The following DOP1A variants were observed in gnomAD, a reference collection of about 807,000 sequenced individuals.
The protein encoded by DOP1A is DOP1 leucine zipper like protein A, also known as protein DOP1A.
A neutral mutation model predicts 267.6 loss-of-function variants in DOP1A; 90 were observed. That is an observed-to-expected ratio of 0.34 (90% confidence interval 0.28 to 0.40). DOP1A has a LOEUF of 0.40. Ranked by LOEUF, DOP1A falls within the 10% of genes least tolerant of loss-of-function variation. The pLI, the probability that DOP1A is intolerant of heterozygous loss-of-function variation, is 1.00. For synonymous variants in DOP1A, 932 were observed against 999.1 expected (o/e 0.93, Z 1.27); for missense variants, 2,437 against 2,900.4 (o/e 0.84, Z 3.67).
At chr6:83,127,466 G>C (rs1333259366) in intron 15 of DOP1A, among the ~76,000 whole-genome samples, 1 of 152,174 alleles carries the variant, frequency 6.6e-6, no homozygotes, top group Non-Finnish European at 1.5e-5. Flanking sequence ...TATAAGATAG[G>C]CAGAGGCCAG....
chr6:83,132,407 T>G, intron 18 of DOP1A, 79 bp downstream of exon 18: 1 of 1,411,064 alleles, frequency 7.1e-7, no homozygotes. Context: ...GTAAGAAAAC[T>G]TTAGGGAAAT....
intron 6 of DOP1A, among the ~76,000 whole-genome samples, chr6:83,110,999 A>G (rs954034441): frequency 6.6e-6 from 1 of 151,924 alleles, no homozygotes; most frequent in East Asian, 1.9e-4. Context: ...AAAGTCCTCT[A>G]TGCCTTTTTT....
At chr6:83,151,789 G>A in intron 28 of DOP1A, 94 bp from the exon 29 acceptor site, 1 of 1,451,524 alleles carries the variant, frequency 6.9e-7, no homozygotes, top group Non-Finnish European at 9.4e-7. Context: ...CAAGTCTATT[G>A]TAAAATATCT....
chr6:83,149,652 T>C (rs1385489590), intron 27 of DOP1A, among the ~76,000 whole-genome samples: 1 of 152,080 alleles, frequency 6.6e-6, no homozygotes, highest in Non-Finnish European at 1.5e-5. Context: ...GAGACATGAC[T>C]GGCATGTTAG....
intron 34 of DOP1A, 100 bp from the exon 35 acceptor site, chr6:83,157,082 C>G: frequency 8.5e-7 from 1 of 1,173,192 alleles, no homozygotes. Context: ...TAAAGTTTAT[C>G]CTTTACTACA....
At chr6:83,140,133 A>C in intron 22 of DOP1A, 22 bp downstream of exon 22, 1 of 1,606,806 alleles carries the variant, frequency 6.2e-7, no homozygotes, top group South Asian at 1.1e-5. Context: ...CAAATATTTG[A>C]CTTCTTTTGA....
rs150393432 is a variant in DOP1A, at chr6:83,106,282, G to T, written c.321-2628G>T. Among the ~76,000 whole-genome samples, 947 of 152,308 alleles carry T rather than the reference G, an allele frequency of 6.2e-3. 10 individuals are homozygous for T. Among genetic ancestry groups the T allele is most frequent in the African/African-American group, 0.022 (902 of 41,560 alleles). On this transcript the variant is annotated intron_variant, in intron 4 of 38. Transcript: ENST00000349129. ...TGAATGCCTTAAAATATTTAGATGA[G>T]TATGTAAAGTGAGCTTTTGGTAATA...
chr6:83,108,057 A>G (rs996359051), intron 4 of DOP1A, among the ~76,000 whole-genome samples: 3 of 152,258 alleles, frequency 2.0e-5, no homozygotes, highest in Non-Finnish European at 4.4e-5. Flanking sequence ...GCAAGATATG[A>G]TAGCAGCTGC....
intron 3 of DOP1A, among the ~76,000 whole-genome samples, chr6:83,100,018 A>G (rs908422335): frequency 2.0e-5 from 3 of 152,110 alleles, no homozygotes; most frequent in Non-Finnish European, 4.4e-5. Context: ...AAAGGATTAC[A>G]TTTATTATAA....
chr6:83,132,073 T>A (rs1778141695), intron 17 of DOP1A, 103 bp from the exon 18 acceptor site: 1 of 1,367,748 alleles, frequency 7.3e-7, no homozygotes, highest in South Asian at 1.4e-5. Flanking sequence ...TAAAAGCCTT[T>A]CAGGTCTGAC....
downstream of DOP1A, chr6:83,170,962 C>T (rs1786966900): frequency 6.5e-6 from 1 of 154,562 alleles, no homozygotes; most frequent in African/African-American, 2.4e-5. Context: ...TGAATTCTCT[C>T]CCTCAGGAAG....
chr6:83,142,930 T>C lies in DOP1A; in HGVS notation c.5541+884T>C, dbSNP rs182312329. On this transcript the variant is annotated intron_variant, in intron 24 of 38. Coordinates refer to ENST00000349129, the MANE Select transcript of DOP1A (RefSeq NM_015018.4). ...GGCTATTATATAACTTACATTTATA[T>C]AAAATATATGATTTTTTCCACCTAA... Among the ~76,000 whole-genome samples, 126 of 152,310 alleles carry C rather than the reference T, an allele frequency of 8.3e-4. 1 individual carries two copies. Among genetic ancestry groups the C allele is most frequent in the African/African-American group, 2.5e-3 (106 of 41,570 alleles).
rs1254333754 is a variant in DOP1A, at chr6:83,153,889, T to C, written c.6240-5T>C. The C allele has an allele frequency of 6.2e-7, 1 of 1,606,638 alleles. No individual in the cohort carries two copies. The highest frequency in any genetic ancestry group is 8.5e-7 in the Non-Finnish European group (1 of 1,178,150). ...GTAGGTTAAGGTGGTTTTTCTTCCT[T>C]GTAGTGCACATAATGCCCCTAGTTA... On this transcript the variant is annotated splice_polypyrimidine_tract_variant and splice_region_variant and intron_variant, in intron 31 of 38. Transcript: ENST00000349129.
chr6:83,158,466 T>C, intron 35 of DOP1A, 101 bp from the exon 36 acceptor site: 1 of 904,374 alleles, frequency 1.1e-6, no homozygotes, highest in African/African-American at 1.7e-5. Context: ...GAAAATGTAT[T>C]CTAAAATTTG....
chr6:83,156,169 C>T (rs956833506), intron 34 of DOP1A, 66 bp downstream of exon 34: 12 of 1,306,518 alleles, frequency 9.2e-6, no homozygotes, highest in Non-Finnish European at 1.3e-5. Context: ...GAAAATACTT[C>T]TCTAAATACT....
At chr6:83,098,877 G>T (rs1771992822) in intron 3 of DOP1A, among the ~76,000 whole-genome samples, 1 of 152,170 alleles carries the variant, frequency 6.6e-6, no homozygotes, top group Admixed American at 6.5e-5. Flanking sequence ...ACCCAGCAAG[G>T]CCCGTCTGTC....
chr6:83,147,187 C>A, intron 25 of DOP1A, 49 bp from the exon 26 acceptor site: 1 of 976,016 alleles, frequency 1.0e-6, no homozygotes, highest in Non-Finnish European at 1.5e-6. Context: ...AATGAAAAAG[C>A]AAAGGCAGTA....
At chr6:83,092,166 T>G (rs1290971568) in intron 1 of DOP1A, among the ~76,000 whole-genome samples, 1 of 152,154 alleles carries the variant, frequency 6.6e-6, no homozygotes, top group African/African-American at 2.4e-5. Flanking sequence ...GTGTGTGTGT[T>G]TATGGTTAAA....
chr6:83,144,183 T>A (rs1562358370), intron 24 of DOP1A, among the ~76,000 whole-genome samples: 1 of 152,044 alleles, frequency 6.6e-6, no homozygotes, highest in Non-Finnish European at 1.5e-5. Context: ...GGAGGAGGAA[T>A]AAACCAAGAA....
Sources: gnomAD v4.1 joint callset for allele counts (sites outside exome capture counted in the v4.1 genomes callset) on GRCh38, gnomAD v4.1.1 for gene constraint, MANE v1.5 for transcripts, NCBI Gene and HGNC (gene_info 2026-07-23, HGNC 2026-07-21) for gene names.